CYP2C18: variants seen among roughly 807,000 people sequenced by gnomAD.
CYP2C18 encodes cytochrome P450 2C18.
In CYP2C18, 38 loss-of-function variants were observed where a neutral mutation model predicts 41.3. The observed-to-expected ratio is 0.92, with a 90% CI of 0.71 to 1.21. The LOEUF is 1.21. CYP2C18 is among the 50% of genes most tolerant of loss of function. CYP2C18 has a pLI of 0.00. For synonymous variants in CYP2C18, 236 were observed against 210.0 expected (o/e 1.12, Z -1.07); for missense variants, 635 against 591.4 (o/e 1.07, Z -0.77).
intron 7 of CYP2C18, among the ~76,000 whole-genome samples, chr10:94,731,019 T>C: frequency 6.6e-6 from 1 of 152,108 alleles, no homozygotes; most frequent in East Asian, 1.9e-4. Context: ...CTGAAAGAAA[T>C]CATAGATGAC....
chr10:94,684,378 A>G (rs1160963431), intron 1 of CYP2C18, among the ~76,000 whole-genome samples: 1 of 152,140 alleles, frequency 6.6e-6, no homozygotes, highest in Non-Finnish European at 1.5e-5. Context: ...AGCCTCTGGT[A>G]GCCACCATTC....
At chr10:94,729,596 G>A (rs1328550843) in intron 7 of CYP2C18, among the ~76,000 whole-genome samples, 1 of 152,112 alleles carries the variant, frequency 6.6e-6, no homozygotes, top group Non-Finnish European at 1.5e-5. Context: ...GAAGCCTTTT[G>A]CTTGAATTAT....
intron 5 of CYP2C18, among the ~76,000 whole-genome samples, chr10:94,710,489 A>G (rs1449888937): frequency 1.3e-5 from 2 of 152,232 alleles, no homozygotes; most frequent in Non-Finnish European, 2.9e-5. Flanking sequence ...TTTTAACGAT[A>G]TTAAGTCTTC....
intron 5 of CYP2C18, among the ~76,000 whole-genome samples, chr10:94,712,743 T>C (rs1344497580): frequency 6.6e-6 from 1 of 152,160 alleles, no homozygotes; most frequent in Admixed American, 6.6e-5. Context: ...AATTCTATTT[T>C]TAGTTTTTTG....
intron 4 of CYP2C18, among the ~76,000 whole-genome samples, chr10:94,702,992 T>C (rs771166194): frequency 2.6e-5 from 4 of 152,190 alleles, no homozygotes; most frequent in Non-Finnish European, 5.9e-5. Context: ...GTCAGGCCCC[T>C]CTTCTGCAGG....
At chr10:94,695,134 C>A (rs1316529053) in intron 4 of CYP2C18, 57 bp downstream of exon 4, 10 of 1,469,642 alleles carry the variant, frequency 6.8e-6, no homozygotes, top group Non-Finnish European at 8.3e-6. Context: ...ATCAGACAGT[C>A]CAATTTTTTT....
At chr10:94,712,007 A>C (rs1847443801) in intron 5 of CYP2C18, among the ~76,000 whole-genome samples, 1 of 88,480 alleles carries the variant, frequency 1.1e-5, no homozygotes, top group African/African-American at 4.7e-5. Context: ...ATGCCCAACT[A>C]ATTTTTTTTT....
intron 7 of CYP2C18, among the ~76,000 whole-genome samples, chr10:94,729,590 C>T (rs533299083): frequency 6.6e-6 from 1 of 152,198 alleles, no homozygotes; most frequent in South Asian, 2.1e-4. Flanking sequence ...TAAAGAGAAG[C>T]CTTTTGCTTG....
chr10:94,712,712 C>A (rs753375733), intron 5 of CYP2C18, among the ~76,000 whole-genome samples: 6 of 152,030 alleles, frequency 3.9e-5, no homozygotes, highest in Non-Finnish European at 7.4e-5. Flanking sequence ...GCCCATAAGC[C>A]GAATCACTGG....
chr10:94,696,825 T>C (rs1190146760), intron 4 of CYP2C18, among the ~76,000 whole-genome samples: 1 of 151,606 alleles, frequency 6.6e-6, no homozygotes, highest in Non-Finnish European at 1.5e-5. Context: ...GAGAATTATG[T>C]GATGAATGCA....
chr10:94,697,868 T>A (rs1847150842), intron 4 of CYP2C18, among the ~76,000 whole-genome samples: 1 of 151,848 alleles, frequency 6.6e-6, no homozygotes, highest in Admixed American at 6.6e-5. Flanking sequence ...CCAACAAAGA[T>A]CAAAAGAGAC....
At chr10:94,727,715 TA>T (rs1847766330) in intron 7 of CYP2C18, among the ~76,000 whole-genome samples, 1 of 152,160 alleles carries the variant, frequency 6.6e-6, no homozygotes, top group Non-Finnish European at 1.5e-5. Context: ...AGAAAATCTG[TA>T]GCAACTATTA....
At chr10:94,707,276 T>A (rs1035001008) in intron 5 of CYP2C18, among the ~76,000 whole-genome samples, 3 of 152,054 alleles carry the variant, frequency 2.0e-5, no homozygotes, top group African/African-American at 2.4e-5. Context: ...ACACAGCATA[T>A]GGGAGAGTGA....
In CYP2C18 at chr10:94,735,415, T is replaced by A; in HGVS notation, c.1444T>A (p.Leu482Met). 6.2e-7 allele frequency: 1 copy of A among 1,613,638 alleles called. No homozygotes were observed. Among genetic ancestry groups the A allele is most frequent in the Non-Finnish European group, 8.5e-7 (1 of 1,179,638 alleles). The change falls in exon 9 of 9, where the codon TTG (leucine) becomes ATG (methionine). Residue 482 changes from leucine (L) to methionine (M), a missense_variant. Coordinates refer to ENST00000285979, the MANE Select transcript of CYP2C18 (RefSeq NM_000772.3). ...IANAFGRVPP[L>M]YQLCFIPV ...CAATGCATTTGGTCGTGTGCCACCC[T>A]TGTACCAGCTCTGCTTCATTCCTGT...
chr10:94,732,419 C>T (rs1302922059), intron 7 of CYP2C18, among the ~76,000 whole-genome samples: 3 of 152,046 alleles, frequency 2.0e-5, no homozygotes, highest in East Asian at 3.9e-4. Flanking sequence ...TTGGAGGTTT[C>T]TCAAAGAACT....
At chr10:94,686,880 AG>A (rs1846898363) in intron 1 of CYP2C18, among the ~76,000 whole-genome samples, 2 of 152,194 alleles carry the variant, frequency 1.3e-5, no homozygotes, top group South Asian at 4.1e-4. Context: ...TGGTAGTGGA[AG>A]TGTTTTGTGA....
At chr10:94,733,734 A>G (rs114866077) in intron 8 of CYP2C18, 207 of 295,904 alleles carry the variant, frequency 7.0e-4, no homozygotes, top group African/African-American at 4.5e-3. Context: ...TTAATGGGTG[A>G]AACTTATTTA....
At chr10:94,688,098 C>A (rs117690007) in intron 2 of CYP2C18, 27 bp from the exon 3 acceptor site, 2 of 1,612,890 alleles carry the variant, frequency 1.2e-6, no homozygotes, top group Non-Finnish European at 8.5e-7. Context: ...GATTCTCCCT[C>A]GTAGCTTCTG....
Position 94,687,932 on chromosome 10 carries a change from G to T in CYP2C18, c.331G>T (p.Gly111Ter). ...GGCTGAAAAAGTTAACAAAGGACTT[G>T]GTAAATGTGCATGTATCGTGTGTAT... ...PVAEKVNKGL[G>*]ILFSNGKRWK... Residue 111 changes from glycine to a stop codon, truncating the protein, a stop_gained and splice_region_variant, in exon 2 of 9, where the codon GGA becomes TGA. Transcript: ENST00000285979. LOFTEE classifies it high-confidence loss of function. 6.2e-7 allele frequency: 1 copy of T among 1,613,316 alleles called. No homozygotes were observed. The highest frequency in any genetic ancestry group is 8.5e-7 in the Non-Finnish European group (1 of 1,179,552).
Sources: allele counts gnomAD v4.1 joint callset (sites outside exome capture counted in the v4.1 genomes callset), GRCh38; gene constraint gnomAD v4.1.1; transcripts MANE v1.5; gene names NCBI Gene and HGNC (gene_info 2026-07-23, HGNC 2026-07-21).